The following AGMO variants were observed in gnomAD, a reference collection of about 807,000 sequenced individuals.
The protein encoded by AGMO is alkylglycerol monooxygenase, also known as glyceryl-ether monooxygenase.
In AGMO, 75 loss-of-function variants were observed where a neutral mutation model predicts 60.2. That is an observed-to-expected ratio of 1.25 (90% CI 1.03 to 1.51). The LOEUF (loss-of-function observed/expected upper bound fraction) is 1.51, where lower values mean the gene tolerates loss of function less well. Ranked by LOEUF, AGMO falls within the 40% of genes most tolerant of loss-of-function variation. The pLI is 0.00. For synonymous variants in AGMO, 261 were observed against 177.1 expected (o/e 1.47, Z -3.76); for missense variants, 763 against 525.5 (o/e 1.45, Z -4.42).
intron 12 of AGMO, among the ~76,000 whole-genome samples, chr7:15,212,565 G>A (rs1781625515): frequency 6.6e-6 from 1 of 151,900 alleles, no homozygotes; most frequent in African/African-American, 2.4e-5. Flanking sequence ...TTACTAAAAT[G>A]AGATCAATCC....
At chr7:15,371,620 A>T (rs530764602) in intron 10 of AGMO, among the ~76,000 whole-genome samples, 2 of 151,620 alleles carry the variant, frequency 1.3e-5, no homozygotes, top group African/African-American at 4.8e-5. Flanking sequence ...TTGGTCTCGA[A>T]CTCCTGACCT....
At chr7:15,410,931 C>A (rs910456166) in intron 5 of AGMO, among the ~76,000 whole-genome samples, 2 of 151,816 alleles carry the variant, frequency 1.3e-5, no homozygotes, top group Non-Finnish European at 2.9e-5. Flanking sequence ...AATGTATACC[C>A]TATGGTTGAA....
chr7:15,250,620 A>G (rs1296125605), intron 12 of AGMO, among the ~76,000 whole-genome samples: 1 of 152,018 alleles, frequency 6.6e-6, no homozygotes, highest in African/African-American at 2.4e-5. Context: ...TGCAGATATA[A>G]ATATGAAACT....
At chr7:15,229,011 C>A (rs1361362037) in intron 12 of AGMO, among the ~76,000 whole-genome samples, 1 of 152,100 alleles carries the variant, frequency 6.6e-6, no homozygotes, top group Non-Finnish European at 1.5e-5. Context: ...CAAGCTGAAA[C>A]TCCTGCTGTC....
intron 3 of AGMO, among the ~76,000 whole-genome samples, chr7:15,531,861 G>A (rs1389582893): frequency 6.6e-6 from 1 of 151,362 alleles, no homozygotes; most frequent in African/African-American, 2.4e-5. Flanking sequence ...TAGAGACAGG[G>A]TTTCTCCATA....
the AGMO span, among the ~76,000 whole-genome samples, chr7:15,135,154 ATAT>A: frequency 9.2e-6 from 1 of 108,188 alleles, no homozygotes; most frequent in Admixed American, 1.0e-4. Context: ...AAATTTATTT[ATAT>A]GAGTTTGTGT....
Position 15,346,811 on chromosome 7 carries a change from CTTA to C in AGMO, c.1263+18700_1263+18702del, listed in dbSNP as rs560208774. On this transcript the variant is annotated intron_variant, in intron 12 of 12. Coordinates refer to ENST00000342526, the MANE Select transcript of AGMO (RefSeq NM_001004320.2). ...ACAAGTTGTCTGAATTGAACTGTAT[CTTA>C]TTATTATGATTTTAAAATTAGAACT... Among the ~76,000 whole-genome samples the C allele has an allele frequency of 6.4e-4, 97 of 151,692 alleles. No homozygotes were observed. In the East Asian group the frequency reaches 7.6e-3, roughly 12 times the overall value.
intron 12 of AGMO, among the ~76,000 whole-genome samples, chr7:15,309,602 C>A (rs564191427): frequency 2.6e-5 from 4 of 152,028 alleles, no homozygotes; most frequent in Admixed American, 2.6e-4. Flanking sequence ...AAAGACAGGT[C>A]CCTAATTATT....
chr7:15,388,858 A>G (rs1422772662), intron 8 of AGMO, among the ~76,000 whole-genome samples: 1 of 152,218 alleles, frequency 6.6e-6, no homozygotes, highest in Non-Finnish European at 1.5e-5. Flanking sequence ...CAATGTAAGT[A>G]AACATGTAGA....
the AGMO span, among the ~76,000 whole-genome samples, chr7:15,192,715 G>A: frequency 7.8e-4 from 118 of 152,184 alleles, 1 homozygote; most frequent in South Asian, 0.02. Context: ...ACCCTTAGAC[G>A]CTACTGTGGT....
At chr7:15,382,206 A>G (rs1783722095) in intron 10 of AGMO, among the ~76,000 whole-genome samples, 1 of 152,210 alleles carries the variant, frequency 6.6e-6, no homozygotes, top group Non-Finnish European at 1.5e-5. Context: ...TTCTCAATAC[A>G]TTATTCAATA....
At chr7:15,337,310 A>G (rs1406497030) in intron 12 of AGMO, among the ~76,000 whole-genome samples, 12 of 152,238 alleles carry the variant, frequency 7.9e-5, no homozygotes, top group Admixed American at 7.9e-4. Context: ...ACTTTTTAAT[A>G]ACAGAATATA....
intron 3 of AGMO, among the ~76,000 whole-genome samples, chr7:15,449,437 G>C (rs947759995): frequency 1.3e-5 from 2 of 151,918 alleles, no homozygotes; most frequent in African/African-American, 4.8e-5. Flanking sequence ...ATATCATAGT[G>C]GTCCCATAAG....
At chr7:15,353,003 T>G (rs1583443742) in intron 12 of AGMO, among the ~76,000 whole-genome samples, 1 of 152,054 alleles carries the variant, frequency 6.6e-6, no homozygotes, top group Non-Finnish European at 1.5e-5. Context: ...TCATAAATCA[T>G]AGCACTGCGC....
intron 6 of AGMO, 151 bp downstream of exon 6, chr7:15,393,962 T>C (rs1784258089): frequency 4.9e-6 from 2 of 410,678 alleles, no homozygotes; most frequent in Admixed American, 8.2e-5. Flanking sequence ...ATGAGGCTTG[T>C]ACCAAAGAAG....
chr7:15,381,291 T>C (rs1056324938), intron 10 of AGMO, among the ~76,000 whole-genome samples: 1 of 151,798 alleles, frequency 6.6e-6, no homozygotes, highest in Non-Finnish European at 1.5e-5. Flanking sequence ...CCAACAAAGG[T>C]ATAATATCAA....
intron 12 of AGMO, among the ~76,000 whole-genome samples, chr7:15,201,597 T>C (rs1488733448): frequency 2.0e-5 from 3 of 152,148 alleles, no homozygotes; most frequent in Non-Finnish European, 2.9e-5. Context: ...GTTTCTTATA[T>C]TCACAAATCT....
At chr7:15,387,083 CTG>C (rs1400446607) in intron 9 of AGMO, among the ~76,000 whole-genome samples, 3 of 152,094 alleles carry the variant, frequency 2.0e-5, no homozygotes, top group Non-Finnish European at 2.9e-5. Flanking sequence ...TTCTAGGACT[CTG>C]TGTCTGAGCT....
chr7:15,285,612 TG>T, intron 12 of AGMO, among the ~76,000 whole-genome samples: 1 of 152,050 alleles, frequency 6.6e-6, no homozygotes. Context: ...GCCCTTGGAT[TG>T]GCAGAATCAA....
Sources: gnomAD v4.1 joint callset for allele counts (sites outside exome capture counted in the v4.1 genomes callset) on GRCh38, gnomAD v4.1.1 for gene constraint, MANE v1.5 for transcripts, NCBI Gene and HGNC (gene_info 2026-07-23, HGNC 2026-07-21) for gene names.